Variants in DKKL1 observed in about 807,000 individuals in gnomAD.
DKKL1 encodes dickkopf-like protein 1.
In DKKL1, 11 loss-of-function variants were observed where a neutral mutation model predicts 16.5. The ratio of observed to expected loss-of-function variants is 0.67; its 90% CI spans 0.42 to 1.10. The LOEUF is 1.10. Ranked by LOEUF, DKKL1 falls within the 50% of genes least tolerant of loss-of-function variation. The pLI, the probability that DKKL1 is intolerant of heterozygous loss-of-function variation, is 0.00. For synonymous variants in DKKL1, 119 were observed against 133.2 expected (o/e 0.89, Z 0.73); for missense variants, 320 against 308.1 (o/e 1.04, Z -0.29).
rs763382776 is a variant in DKKL1, at chr19:49,374,798, G to C, written c.499G>C (p.Val167Leu). The C allele has an allele frequency of 5.6e-6, 9 of 1,612,480 alleles. No homozygotes were observed. The highest frequency in any genetic ancestry group is 1.7e-5 in the Admixed American group (1 of 59,832). ...CTTCCACACAGAACTCCATCCCCGG[G>C]TGGCCTTCTGGATCATTAAGCTGCC... ...DSFHTELHPR[V>L]AFWIIKLPRR... The change falls in exon 5 of 5, where the codon GTG (valine) becomes CTG (leucine). Residue 167 changes from valine (V) to leucine (L), a missense_variant. Physicochemically the swap from Val to Leu is conservative, Grantham distance 32 (BLOSUM62 1). Coordinates refer to ENST00000221498, the MANE Select transcript of DKKL1 (RefSeq NM_014419.4).
chr19:49,374,871 G>C lies in DKKL1; in HGVS notation c.572G>C (p.Ser191Thr), dbSNP rs1448217641. The C allele has an allele frequency of 1.2e-6, 2 of 1,614,054 alleles. No homozygotes were observed. Among genetic ancestry groups the C allele is most frequent in the Admixed American group, 1.7e-5 (1 of 60,020 alleles). Reference sequence around the variant, plus strand: ...GCCCTGGAGGGCGGCCACTGGCTCAGCGAGAAGCGACACCGCCTGCAGGCC... The same window carrying C: ...GCCCTGGAGGGCGGCCACTGGCTCACCGAGAAGCGACACCGCCTGCAGGCC... ...QDALEGGHWL[S>T]EKRHRLQAIR... Residue 191 changes from serine to threonine, a missense_variant, in exon 5 of 5, where the codon AGC becomes ACC. Transcript: ENST00000221498.
chr19:49,371,944 T>G (rs1973508349), intron 4 of DKKL1, among the ~76,000 whole-genome samples: 2 of 152,196 alleles, frequency 1.3e-5, no homozygotes, highest in African/African-American at 4.8e-5. Context: ...GCAAAGGACA[T>G]TAACTCATCC....
upstream of DKKL1, among the ~76,000 whole-genome samples, chr19:49,362,919 G>GT (rs1190522110): frequency 7.7e-5 from 10 of 130,316 alleles, no homozygotes; most frequent in East Asian, 2.1e-4. Flanking sequence ...TGGTTTTTTT[G>GT]TTTTTTGTTT....
chr19:49,365,869 T>G lies in DKKL1; in HGVS notation c.401T>G (p.Phe134Cys), dbSNP rs761509338. 1 of 1,614,048 alleles carries G rather than the reference T, an allele frequency of 6.2e-7. No individual in the cohort carries two copies. Among genetic ancestry groups the G allele is most frequent in the South Asian group, 1.1e-5 (1 of 91,046 alleles). The stretch of plus-strand genomic sequence containing the variant: ...TCCATTCAACCAGCGGAGGGGAGCT[T>G]CGAGGGTGATTTGAAGGTTAGGACG... ...VASIQPAEGS[F>C]EGDLKVPRME... The change falls in exon 4 of 5, where the codon TTC (phenylalanine) becomes TGC (cysteine). Residue 134 changes from phenylalanine to cysteine, a missense_variant. Coordinates refer to ENST00000221498, the MANE Select transcript of DKKL1 (RefSeq NM_014419.4).
chr19:49,363,394 T>TA (rs150532767), upstream of DKKL1, among the ~76,000 whole-genome samples: 5,245 of 152,258 alleles, frequency 0.034, 280 homozygotes, highest in African/African-American at 0.12. Flanking sequence ...CCGAAACAGA[T>TA]ACACAATTAG....
chr19:49,374,945 G>T lies in DKKL1; in HGVS notation c.646G>T (p.Gly216Trp), dbSNP rs1405855667. Residue 216 changes from glycine (G) to tryptophan (W), a missense_variant, in exon 5 of 5, where the codon GGG becomes TGG. By Grantham distance (184) the Gly-to-Trp change is radical (BLOSUM62 -2). Coordinates refer to ENST00000221498, the MANE Select transcript of DKKL1 (RefSeq NM_014419.4). ...KGTHKDVLEE[G>W]TESSSHSRLS... ...GACCCACAAGGACGTCCTAGAAGAG[G>T]GGACCGAGAGCTCCTCCCACTCCAG... 3 of 1,613,628 alleles carry T rather than the reference G, an allele frequency of 1.9e-6. No homozygotes were observed. Among genetic ancestry groups the T allele is most frequent in the Non-Finnish European group, 2.5e-6 (3 of 1,179,882 alleles).
chr19:49,363,992 G>A lies in DKKL1; in HGVS notation c.-7G>A. ...ATAAAGGCGGAGCCCAGAAGAAGGG[G>A]CGGGGTATGGGAGAAGGTGAGGATT... On this transcript the variant is annotated 5_prime_UTR_variant, in exon 1 of 5. Transcript: ENST00000221498. The A allele has an allele frequency of 1.2e-6, 2 of 1,613,478 alleles. No homozygotes were observed. Among genetic ancestry groups the A allele is most frequent in the Non-Finnish European group, 1.7e-6 (2 of 1,179,704 alleles).
chr19:49,364,732 G>A lies in DKKL1; in HGVS notation c.161G>A (p.Gly54Asp), dbSNP rs1973184055. The change falls in exon 2 of 5, where the codon GGC becomes GAC. Residue 54 changes from glycine to aspartate, a missense_variant. Coordinates refer to ENST00000221498, the MANE Select transcript of DKKL1 (RefSeq NM_014419.4). Reference sequence around the variant, plus strand: ...ACAGGCCTCCAGAGCCTACTCCAAGGCTTCAGCCGACTTTTCCTGAAAGTA... The same window carrying A: ...ACAGGCCTCCAGAGCCTACTCCAAGACTTCAGCCGACTTTTCCTGAAAGTA... Reference protein sequence around the residue: ...GLTGLQSLLQGFSRLFLKGNL... With the variant: ...GLTGLQSLLQDFSRLFLKGNL... 1 of 1,612,736 alleles carries A rather than the reference G, an allele frequency of 6.2e-7. No homozygotes were observed. The highest frequency in any genetic ancestry group is 8.5e-7 in the Non-Finnish European group (1 of 1,179,614).
At chr19:49,360,729 AGAGGGGGACAGAGACCCAGAGAGG>A (rs369841090), upstream of DKKL1, among the ~76,000 whole-genome samples, 17,698 of 113,766 alleles carry the variant, frequency 0.16, 1,538 homozygotes, top group Non-Finnish European at 0.18. Flanking sequence ...AGGTCTAGAG[AGAGGGGGACAGAGACCCAGAGAGG>A]GAGGGGGACA....
intron 1 of DKKL1, 100 bp downstream of exon 1, chr19:49,364,108 G>A: frequency 1.3e-6 from 2 of 1,507,556 alleles, no homozygotes; most frequent in South Asian, 2.4e-5. Flanking sequence ...CCAACACTTT[G>A]GGAGGCCCAG....
chr19:49,363,671 T>C (rs548889804), upstream of DKKL1: 2 of 415,108 alleles, frequency 4.8e-6, no homozygotes, highest in African/African-American at 2.0e-5. Flanking sequence ...GTGGGCGTGG[T>C]CTGACTGTGT....
upstream of DKKL1, chr19:49,362,505 G>C (rs989155028): frequency 8.5e-5 from 13 of 152,262 alleles, no homozygotes; most frequent in African/African-American, 2.9e-4. Context: ...GCGGGAAGGG[G>C]GATCCGACGG....
chr19:49,371,835 T>C (rs973524214), intron 4 of DKKL1, among the ~76,000 whole-genome samples: 1 of 151,526 alleles, frequency 6.6e-6, no homozygotes. Context: ...TGTGTTCTCA[T>C]TGTTCAGCTC....
intron 4 of DKKL1, among the ~76,000 whole-genome samples, chr19:49,372,961 A>G (rs978276860): frequency 5.3e-5 from 8 of 152,072 alleles, no homozygotes; most frequent in African/African-American, 1.9e-4. Flanking sequence ...AGATAGCACC[A>G]TTGCACTACA....
intron 1 of DKKL1, 41 bp from the exon 2 acceptor site, chr19:49,364,541 G>A: frequency 1.3e-6 from 2 of 1,561,768 alleles, no homozygotes; most frequent in East Asian, 2.3e-5. Context: ...GGGTGGGGGC[G>A]TGGCCACTGT....
At chr19:49,368,036 G>C (rs528451593) in intron 4 of DKKL1, among the ~76,000 whole-genome samples, 66 of 152,242 alleles carry the variant, frequency 4.3e-4, no homozygotes, top group African/African-American at 1.5e-3. Context: ...AAGTAGGCCA[G>C]GCATGCTGGC....
intron 4 of DKKL1, among the ~76,000 whole-genome samples, chr19:49,366,432 TTTC>T (rs1289348950): frequency 3.5e-5 from 2 of 56,580 alleles, no homozygotes; most frequent in African/African-American, 2.1e-4. Flanking sequence ...TCAAAGTGGT[TTTC>T]TTTTTTTTTT....
At chr19:49,363,552 C>T (rs900363206), upstream of DKKL1, 15 of 323,626 alleles carry the variant, frequency 4.6e-5, no homozygotes, top group African/African-American at 2.8e-4. Flanking sequence ...TGGCTTTCAG[C>T]CAAGGGGCGT....
upstream of DKKL1, chr19:49,361,274 G>GGGGACAGAGACCCAGAGAGAGAGGGT (rs1972901605): frequency 6.6e-6 from 1 of 151,560 alleles, no homozygotes; most frequent in South Asian, 2.1e-4. Flanking sequence ...AGAGAGAGAG[G>GGGGACAGAGACCCAGAGAGAGAGGGT]GACAGAGACC....
Sources: allele counts gnomAD v4.1 joint callset (sites outside exome capture counted in the v4.1 genomes callset), GRCh38; gene constraint gnomAD v4.1.1; transcripts MANE v1.5; gene names NCBI Gene and HGNC (gene_info 2026-07-23, HGNC 2026-07-21).